The following MAP4 variants were observed in gnomAD, a reference collection of about 807,000 sequenced individuals.
The protein encoded by MAP4 is microtubule-associated protein 4.
MAP4 carries 76 observed loss-of-function variants against 170.2 expected under a neutral mutation model. The ratio of observed to expected loss-of-function variants is 0.45; its 90% confidence interval spans 0.37 to 0.54. MAP4 has a LOEUF of 0.54. Ranked by LOEUF, MAP4 falls within the 20% of genes least tolerant of loss-of-function variation. The probability of loss-of-function intolerance (pLI) is 0.00; values close to 1 mark genes in which losing one functional copy is unlikely to be tolerated. For synonymous variants in MAP4, 909 were observed against 994.5 expected (o/e 0.91, Z 1.62); for missense variants, 2,506 against 2,748.0 (o/e 0.91, Z 1.97).
At chr3:48,042,855 G>A (rs2100122379) in intron 1 of MAP4, among the ~76,000 whole-genome samples, 1 of 152,142 alleles carries the variant, frequency 6.6e-6, no homozygotes, top group Non-Finnish European at 1.5e-5. Flanking sequence ...GCTACAAGAT[G>A]GGTGAACCCT....
intron 6 of MAP4, among the ~76,000 whole-genome samples, 179 bp from the exon 7 acceptor site, chr3:47,917,353 C>T (rs1213506443): frequency 3.3e-5 from 5 of 152,004 alleles, no homozygotes; most frequent in Admixed American, 6.6e-5. Context: ...TTTGGGAGGC[C>T]GAGGCGGATG....
chr3:47,884,887 G>GTGC (rs1341031825), intron 10 of MAP4, among the ~76,000 whole-genome samples: 2 of 152,138 alleles, frequency 1.3e-5, no homozygotes, highest in African/African-American at 4.8e-5. Context: ...GAAGCCACTG[G>GTGC]TGCTGTTACC....
intron 1 of MAP4, among the ~76,000 whole-genome samples, chr3:48,071,398 A>T (rs2100140964): frequency 1.3e-5 from 2 of 151,612 alleles, no homozygotes; most frequent in South Asian, 4.2e-4. Context: ...ACCAAAAAAA[A>T]TCAGCCAGGT....
chr3:47,973,732 G>T, intron 3 of MAP4: 1 of 985,388 alleles, frequency 1.0e-6, no homozygotes, highest in South Asian at 4.7e-5. Flanking sequence ...GCAATAGAAA[G>T]ATGTCAAACA....
intron 1 of MAP4, among the ~76,000 whole-genome samples, chr3:48,061,982 A>G (rs969700087): frequency 1.3e-5 from 2 of 151,584 alleles, no homozygotes; most frequent in African/African-American, 4.9e-5. Context: ...CCTGACCGCC[A>G]CCCCGTCTGG....
At chr3:48,083,830 GA>G (rs1271725693) in intron 1 of MAP4, among the ~76,000 whole-genome samples, 2 of 151,160 alleles carry the variant, frequency 1.3e-5, no homozygotes, top group African/African-American at 4.9e-5. Flanking sequence ...AGATTCAAGT[GA>G]TTCTCCTGTC....
intron 1 of MAP4, among the ~76,000 whole-genome samples, chr3:48,052,220 T>G (rs58495113): frequency 1.3e-5 from 2 of 151,906 alleles, no homozygotes; most frequent in African/African-American, 2.4e-5. Flanking sequence ...ACAGGGTGGG[T>G]TTTTTTGTTT....
intron 3 of MAP4, among the ~76,000 whole-genome samples, chr3:47,952,840 C>T (rs1398490061): frequency 6.6e-6 from 1 of 151,854 alleles, no homozygotes; most frequent in East Asian, 1.9e-4. Flanking sequence ...AGAAAAATTG[C>T]TTGAACTTTG....
At chr3:47,857,713 CTT>C (rs112833712) in intron 17 of MAP4, among the ~76,000 whole-genome samples, 1 of 145,700 alleles carries the variant, frequency 6.9e-6, no homozygotes, top group Non-Finnish European at 1.5e-5. Context: ...TCTTCACTTC[CTT>C]TTTTTTTTTT....
In MAP4 at chr3:48,003,368, C is replaced by T. The variant is rs901651157; in HGVS notation, c.-19-4489G>A. 6.0e-5 allele frequency among the ~76,000 whole-genome samples: 9 copies of T among 149,406 alleles called. No homozygotes were observed. In the South Asian group the frequency reaches 8.5e-4, roughly 14 times the overall value. On this transcript the variant is annotated intron_variant, in intron 1 of 20. Transcript: ENST00000683076. ...GCTCGGGAGGCTGAGGCAGGAGAAT[C>T]GCTTGAACCCAGGAGGTGGAGGTTG...
chr3:47,998,810 A>G lies in MAP4; in HGVS notation c.51T>C (p.Ile17=). The G allele has an allele frequency of 1.2e-6, 2 of 1,614,144 alleles. No homozygotes were observed. Among genetic ancestry groups the G allele is most frequent in the South Asian group, 1.1e-5 (1 of 91,084 alleles). The part of the protein sequence containing the change: ...ADALTEPSPD[I]EGEIKRDFIA... ...TGAAGTCCCGCTTTATCTCTCCCTC[A>G]ATGTCTGGAGATGGTTCTGTTAATG... Residue 17 remains isoleucine, a synonymous_variant, in exon 2 of 21, where the codon ATT becomes ATC. Coordinates refer to ENST00000683076, the MANE Select transcript of MAP4 (RefSeq NM_001385682.1).
At chr3:48,063,523 T>C (rs945837698) in intron 1 of MAP4, among the ~76,000 whole-genome samples, 11 of 152,186 alleles carry the variant, frequency 7.2e-5, no homozygotes, top group African/African-American at 2.7e-4. Context: ...TGAAAACTCA[T>C]GTCAACACAA....
At chr3:47,941,628 A>AAC (rs1400527190) in intron 3 of MAP4, among the ~76,000 whole-genome samples, 7 of 127,988 alleles carry the variant, frequency 5.5e-5, no homozygotes, top group Admixed American at 3.0e-4. Flanking sequence ...AAACAAAAAC[A>AAC]AAAAAAAAAA....
At chr3:48,030,193 A>C (rs2100115299) in intron 1 of MAP4, among the ~76,000 whole-genome samples, 1 of 151,180 alleles carries the variant, frequency 6.6e-6, no homozygotes, top group Admixed American at 6.6e-5. Context: ...ATTTGATTTC[A>C]GTCTTGGCAA....
intron 5 of MAP4, among the ~76,000 whole-genome samples, chr3:47,919,856 A>G (rs1412011013): frequency 6.6e-6 from 1 of 152,250 alleles, no homozygotes; most frequent in African/African-American, 2.4e-5. Context: ...CTGCAAAATG[A>G]GATTAACACC....
intron 3 of MAP4, among the ~76,000 whole-genome samples, chr3:47,964,292 C>G (rs1232758054): frequency 6.6e-6 from 1 of 152,058 alleles, no homozygotes; most frequent in African/African-American, 2.4e-5. Flanking sequence ...TTACAGTAGC[C>G]AAGGTTAATG....
At chr3:47,978,659 C>T (rs1256463815) in intron 2 of MAP4, among the ~76,000 whole-genome samples, 1 of 151,860 alleles carries the variant, frequency 6.6e-6, no homozygotes, top group Non-Finnish European at 1.5e-5. Context: ...ACAGGAAATC[C>T]AGGGTACCAT....
chr3:47,988,480 T>C (rs150347588), intron 2 of MAP4, among the ~76,000 whole-genome samples: 2 of 152,304 alleles, frequency 1.3e-5, no homozygotes, highest in African/African-American at 2.4e-5. Context: ...GTGGAAGTTC[T>C]GTTCTGATTA....
intron 1 of MAP4, among the ~76,000 whole-genome samples, chr3:48,003,524 C>CA (rs2154396610): frequency 6.6e-6 from 1 of 150,860 alleles, no homozygotes; most frequent in Non-Finnish European, 1.5e-5. Context: ...AAGCACTGGA[C>CA]ATCAACAAAC....
Sources: gnomAD v4.1 joint callset for allele counts (sites outside exome capture counted in the v4.1 genomes callset) on GRCh38, gnomAD v4.1.1 for gene constraint, MANE v1.5 for transcripts, NCBI Gene and HGNC (gene_info 2026-07-23, HGNC 2026-07-21) for gene names.